HS6ST3: variants seen among roughly 807,000 people sequenced by gnomAD.
The protein encoded by HS6ST3 is heparan-sulfate 6-O-sulfotransferase 3.
Under a neutral mutation model 36.7 loss-of-function variants are expected in HS6ST3, and 12 were observed. The ratio of observed to expected loss-of-function variants is 0.33; its 90% CI spans 0.21 to 0.53. The LOEUF (loss-of-function observed/expected upper bound fraction) is 0.53, where lower values mean the gene tolerates loss of function less well. Among genes scored for constraint, HS6ST3 ranks in the 20% least tolerant of loss-of-function variants. The pLI is 0.95. For missense variants in HS6ST3, 584 were observed against 640.9 expected (o/e 0.91, Z 0.96); for synonymous variants, 240 against 257.5 (o/e 0.93, Z 0.65).
At chr13:96,605,057 A>G (rs1259769576) in intron 1 of HS6ST3, among the ~76,000 whole-genome samples, 7 of 152,154 alleles carry the variant, frequency 4.6e-5, no homozygotes, top group Admixed American at 4.6e-4. Flanking sequence ...GGATTTCTAC[A>G]TCATTTACCA....
chr13:96,835,326 A>T lies in HS6ST3; in HGVS notation c.*2128A>T, dbSNP rs1878898651. 6.6e-6 allele frequency: 1 copy of T among 152,312 alleles called. No individual in the cohort carries two copies. Among genetic ancestry groups the T allele is most frequent in the Non-Finnish European group, 1.5e-5 (1 of 68,134 alleles). The allele number at this position is 152,312 out of a possible 1,614,324, so 9.4% of individuals were successfully genotyped here. On this transcript the variant is annotated 3_prime_UTR_variant, in exon 2 of 2. Transcript: ENST00000376705. ...CACTGAGCCATCAATGAGCTGAGAG[A>T]TCAATGACTTTTTAGGCAGCTGTGT...
chr13:96,261,623 A>G (rs1335920507), intron 1 of HS6ST3, among the ~76,000 whole-genome samples: 14 of 152,170 alleles, frequency 9.2e-5, no homozygotes, highest in Non-Finnish European at 2.1e-4. Context: ...CAGCTGAACG[A>G]TTTTGCATGA....
At chr13:96,558,018 A>AATC (rs1566396098) in intron 1 of HS6ST3, among the ~76,000 whole-genome samples, 11 of 152,324 alleles carry the variant, frequency 7.2e-5, no homozygotes, top group Admixed American at 2.0e-4. Flanking sequence ...TGGGCTGTCC[A>AATC]ATTATCATCA....
chr13:96,830,918 C>T (rs2138549200), intron 1 of HS6ST3, among the ~76,000 whole-genome samples: 1 of 152,290 alleles, frequency 6.6e-6, no homozygotes, highest in African/African-American at 2.4e-5. Context: ...CAAAAGGCTG[C>T]AGTGGGATGT....
At chr13:96,511,136 A>T (rs567110440) in intron 1 of HS6ST3, among the ~76,000 whole-genome samples, 83 of 152,122 alleles carry the variant, frequency 5.5e-4, no homozygotes, top group Non-Finnish European at 1.1e-3. Flanking sequence ...CACCTTTTCT[A>T]CATGTTTTAT....
chr13:96,317,903 T>C (rs1041263749), intron 1 of HS6ST3, among the ~76,000 whole-genome samples: 1 of 151,980 alleles, frequency 6.6e-6, no homozygotes, highest in Admixed American at 6.6e-5. Flanking sequence ...TGGGGGGAGT[T>C]ATTTTTTGCT....
At chr13:96,680,840 A>G (rs763099870) in intron 1 of HS6ST3, among the ~76,000 whole-genome samples, 2 of 152,202 alleles carry the variant, frequency 1.3e-5, no homozygotes, top group African/African-American at 2.4e-5. Context: ...GGTCAAAAAT[A>G]TTGGGGAGGC....
intron 1 of HS6ST3, among the ~76,000 whole-genome samples, chr13:96,801,000 T>C (rs1285475219): frequency 6.6e-6 from 1 of 152,082 alleles, no homozygotes; most frequent in Non-Finnish European, 1.5e-5. Flanking sequence ...CTCAACCCAA[T>C]CCAATCATGT....
chr13:96,517,832 T>C (rs2056078557), intron 1 of HS6ST3, among the ~76,000 whole-genome samples: 1 of 152,132 alleles, frequency 6.6e-6, no homozygotes, highest in Admixed American at 6.5e-5. Flanking sequence ...AGCTCCCTCT[T>C]ATAAGTGAAA....
At chr13:96,462,092 CAG>C (rs1440630593) in intron 1 of HS6ST3, among the ~76,000 whole-genome samples, 6 of 152,252 alleles carry the variant, frequency 3.9e-5, no homozygotes, top group African/African-American at 1.4e-4. Context: ...CAGGGTCTGA[CAG>C]GGTCTGACTC....
chr13:96,283,163 A>G (rs183477500), intron 1 of HS6ST3, among the ~76,000 whole-genome samples: 2 of 152,220 alleles, frequency 1.3e-5, no homozygotes, highest in African/African-American at 4.8e-5. Context: ...GAAAAATGCA[A>G]GCAAATGTTT....
At chr13:96,424,593 A>C (rs776222063) in intron 1 of HS6ST3, among the ~76,000 whole-genome samples, 5 of 152,152 alleles carry the variant, frequency 3.3e-5, no homozygotes, top group Non-Finnish European at 7.4e-5. Context: ...TGATAGGTTC[A>C]ATGTCTGCTA....
intron 1 of HS6ST3, among the ~76,000 whole-genome samples, chr13:96,517,242 T>TG (rs2056076234): frequency 6.8e-6 from 1 of 147,450 alleles, no homozygotes; most frequent in East Asian, 2.0e-4. Context: ...GCCAGTGTGG[T>TG]GGCATGCACT....
At chr13:96,272,033 G>T (rs2054722917) in intron 1 of HS6ST3, among the ~76,000 whole-genome samples, 2 of 152,016 alleles carry the variant, frequency 1.3e-5, no homozygotes, top group South Asian at 4.1e-4. Context: ...TTGGTTGAAT[G>T]ATTGAAGCCA....
chr13:96,704,323 C>T (rs1034936926), intron 1 of HS6ST3, among the ~76,000 whole-genome samples: 8 of 152,076 alleles, frequency 5.3e-5, no homozygotes, highest in Non-Finnish European at 2.9e-5. Context: ...TTTGGTTCTC[C>T]ACATACAATA....
chr13:96,124,312 C>T (rs921743448), intron 1 of HS6ST3, among the ~76,000 whole-genome samples: 10 of 152,150 alleles, frequency 6.6e-5, no homozygotes, highest in African/African-American at 2.4e-4. Context: ...CCACCAGGGA[C>T]TTGAATGGGA....
At chr13:96,653,198 A>T (rs1192567222) in intron 1 of HS6ST3, among the ~76,000 whole-genome samples, 1 of 151,734 alleles carries the variant, frequency 6.6e-6, no homozygotes, top group African/African-American at 2.4e-5. Flanking sequence ...CATGTGTTTG[A>T]TTCTTTTTAT....
At chr13:96,192,660 A>G (rs1213152163) in intron 1 of HS6ST3, among the ~76,000 whole-genome samples, 3 of 151,528 alleles carry the variant, frequency 2.0e-5, no homozygotes, top group Admixed American at 6.6e-5. Flanking sequence ...ATAGACATTT[A>G]GGTTGGTTCC....
Position 96,549,212 on chromosome 13 carries a change from G to A in HS6ST3, c.708-283278G>A, listed in dbSNP as rs558880271. ...TGACCAGACCTCCCTTTTTTTTTTG[G>A]TTTTATTCTTTTGAGGCACTCAATA... On this transcript the variant is annotated intron_variant, in intron 1 of 1. Coordinates refer to ENST00000376705, the MANE Select transcript of HS6ST3 (RefSeq NM_153456.4). Among the ~76,000 whole-genome samples the A allele has an allele frequency of 1.1e-4, 16 of 150,982 alleles. 1 individual carries two copies. The highest frequency in any genetic ancestry group is 3.4e-4 in the African/African-American group (14 of 41,226).
Sources: allele counts gnomAD v4.1 joint callset (sites outside exome capture counted in the v4.1 genomes callset), GRCh38; gene constraint gnomAD v4.1.1; transcripts MANE v1.5; gene names NCBI Gene and HGNC (gene_info 2026-07-23, HGNC 2026-07-21).